The following NLRP9 variants were observed in gnomAD, a reference collection of about 807,000 sequenced individuals.
NLRP9 encodes NACHT, LRR and PYD domains-containing protein 9.
Under a neutral mutation model 83.1 loss-of-function variants are expected in NLRP9, and 88 were observed. The ratio of observed to expected loss-of-function variants is 1.06; its 90% confidence interval spans 0.89 to 1.26. The LOEUF (loss-of-function observed/expected upper bound fraction) is 1.26. Among genes scored for constraint, NLRP9 ranks in the 50% most tolerant of loss-of-function variants. The pLI, the probability that NLRP9 is intolerant of heterozygous loss-of-function variation, is 0.00. For missense variants in NLRP9, 1,308 were observed against 1,179.3 expected (o/e 1.11, Z -1.60); for synonymous variants, 521 against 447.6 (o/e 1.16, Z -2.07).
intron 1 of NLRP9, among the ~76,000 whole-genome samples, chr19:55,736,285 G>A (rs2122343597): frequency 6.6e-6 from 1 of 152,120 alleles, no homozygotes; most frequent in East Asian, 2.0e-4. Flanking sequence ...CAGCTACCTG[G>A]GAGGCTGAGG....
intron 1 of NLRP9, among the ~76,000 whole-genome samples, chr19:55,737,101 T>A (rs958926595): frequency 3.3e-5 from 5 of 152,080 alleles, no homozygotes; most frequent in Admixed American, 6.5e-5. Flanking sequence ...TTCCTAAGTA[T>A]CCCCCGAGAG....
At chr19:55,736,662 C>T (rs535006723) in intron 1 of NLRP9, among the ~76,000 whole-genome samples, 4 of 151,584 alleles carry the variant, frequency 2.6e-5, no homozygotes, top group East Asian at 2.0e-4. Context: ...GGTGATACCC[C>T]GTCTCTACTA....
intron 3 of NLRP9, among the ~76,000 whole-genome samples, chr19:55,724,909 A>G (rs1260698542): frequency 6.6e-6 from 1 of 152,082 alleles, no homozygotes; most frequent in Non-Finnish European, 1.5e-5. Context: ...AATACAAAAA[A>G]TTAGCTGGGT....
chr19:55,732,800 C>T lies in NLRP9; in HGVS notation c.1031G>A (p.Cys344Tyr). The T allele has an allele frequency of 6.2e-7, 1 of 1,614,168 alleles. No individual in the cohort carries two copies. The highest frequency in any genetic ancestry group is 8.5e-7 in the Non-Finnish European group (1 of 1,180,030). The change falls in exon 2 of 9, where the codon TGT becomes TAT. Residue 344 changes from cysteine (C) to tyrosine (Y), a missense_variant. Physicochemically the swap from Cys to Tyr is radical, Grantham distance 194 (BLOSUM62 -2). Transcript: ENST00000332836. Reference sequence around the variant, plus strand: ...CTCTAGCCTCTGTTTCACACAAGTACAGACCAACCAGCACGTAAAGGGATT... The same window carrying T: ...CTCTAGCCTCTGTTTCACACAAGTATAGACCAACCAGCACGTAAAGGGATT... ...CHNPFTCWLV[C>Y]TCVKQRLERG...
chr19:55,733,431 C>G lies in NLRP9; in HGVS notation c.400G>C (p.Glu134Gln), dbSNP rs748136376. The G allele has an allele frequency of 5.0e-6, 8 of 1,613,892 alleles. No individual in the cohort carries two copies. The highest frequency in any genetic ancestry group is 1.6e-4 in the Middle Eastern group (1 of 6,062). Reference protein sequence around the residue: ...YKETMKNEYKELNDAYTAAAR... With the variant: ...YKETMKNEYKQLNDAYTAAAR... ...GCAGCAGTATATGCGTCATTCAATT[C>G]TTTATACTCATTTTTCATGGTTTCT... The change falls in exon 2 of 9, where the codon GAA becomes CAA. Residue 134 changes from glutamate to glutamine, a missense_variant. By Grantham distance (29) the Glu-to-Gln change is conservative. Transcript: ENST00000332836.
rs369051614 is a variant in NLRP9, at chr19:55,732,201, C to A, written c.1630G>T (p.Glu544Ter). 1 of 1,613,516 alleles carries A rather than the reference C, an allele frequency of 6.2e-7. No individual in the cohort carries two copies. The highest frequency in any genetic ancestry group is 2.2e-5 in the East Asian group (1 of 44,884). Residue 544 changes from glutamate (E) to a stop codon, truncating the protein, a stop_gained, in exon 2 of 9, where the codon GAA (glutamate) becomes TAA (stop). Coordinates refer to ENST00000332836, the MANE Select transcript of NLRP9 (RefSeq NM_176820.4). LOFTEE classifies it high-confidence loss of function. ...EADREAIAFQELFIGLFETQE... is the reference protein window; with the variant it reads ...EADREAIAFQ Reference sequence around the variant, plus strand: ...GTTTCAAACAAACCAATGAATAGTTCCTGGAAAGCTATGGCTTCCCTATCA... The same window carrying A: ...GTTTCAAACAAACCAATGAATAGTTACTGGAAAGCTATGGCTTCCCTATCA...
rs771925825 is a variant in NLRP9, at chr19:55,732,165, C to T, written c.1666G>A (p.Glu556Lys). The T allele has an allele frequency of 6.2e-7, 1 of 1,613,074 alleles. No homozygotes were observed. The highest frequency in any genetic ancestry group is 8.5e-7 in the Non-Finnish European group (1 of 1,179,752). The change falls in exon 2 of 9, where the codon GAA becomes AAA. Residue 556 changes from glutamate (E) to lysine (K), a missense_variant. Physicochemically the swap from Glu to Lys is moderately conservative, Grantham distance 56 (BLOSUM62 1). Transcript: ENST00000332836. ...FIGLFETQEK[E>K]FVTKVMNFFE... ...AAATTCATCACTTTGGTTACAAATTCTTTTTCCTGAGTTTCAAACAAACCA... is the reference window on the plus strand; with the variant it reads ...AAATTCATCACTTTGGTTACAAATTTTTTTTCCTGAGTTTCAAACAAACCA...
chr19:55,734,159 A>G (rs1049621095), intron 1 of NLRP9, among the ~76,000 whole-genome samples: 8 of 151,454 alleles, frequency 5.3e-5, no homozygotes, highest in Admixed American at 2.6e-4. Flanking sequence ...TCCTGACCTC[A>G]TGATCCACCC....
At chr19:55,712,312 G>T in intron 7 of NLRP9, 108 bp downstream of exon 7, 1 of 933,294 alleles carries the variant, frequency 1.1e-6, no homozygotes, top group Non-Finnish European at 1.6e-6. Flanking sequence ...GATCGTCCCA[G>T]AGGGACTTGC....
chr19:55,726,359 C>T (rs555141851), intron 3 of NLRP9, among the ~76,000 whole-genome samples: 2 of 152,200 alleles, frequency 1.3e-5, no homozygotes, highest in African/African-American at 4.8e-5. Flanking sequence ...TGACTATTTG[C>T]CTTGTCAACT....
rs532883666 is a variant in NLRP9, at chr19:55,712,696, T to C, written c.2502-106A>G. On this transcript the variant is annotated intron_variant, in intron 6 of 8. Transcript: ENST00000332836. ...GACGCAAGAAATACCCAAGTAAATC[T>C]GAGATGATGAGGAGGGTGGGGAGGG... The C allele has an allele frequency of 1.2e-3, 1,158 of 927,528 alleles. 9 individuals are homozygous for C. The highest frequency in any genetic ancestry group is 6.3e-4 in the Middle Eastern group (2 of 3,172). 57.5% of individuals were successfully genotyped at this position (927,528 alleles called of 1,614,324 possible).
chr19:55,716,779 G>C lies in NLRP9; in HGVS notation c.2279C>G (p.Thr760Arg), dbSNP rs541213750. 4.3e-6 allele frequency: 7 copies of C among 1,613,888 alleles called. No homozygotes were observed. The Middle Eastern group carries it at 1.2e-3, about 266-fold the overall frequency. The stretch of plus-strand genomic sequence containing the variant: ...GTGCTTCAGGGCTTCACACAGCAAC[G>C]TCATTCCTTCGTCCCTCAAGGGATT... The part of the protein sequence containing the change: ...VENPLRDEGM[T>R]LLCEALKHSH... The change falls in exon 5 of 9, where the codon ACG becomes AGG. Residue 760 changes from threonine (T) to arginine (R), a missense_variant. Coordinates refer to ENST00000332836, the MANE Select transcript of NLRP9 (RefSeq NM_176820.4).
Position 55,708,665 on chromosome 19 carries a change from T to G in NLRP9, c.*247A>C. ...GCGTTTAGCACTTGTTTAACGTACT[T>G]GTGCTTCTAAATATCACAAGGCAGG... On this transcript the variant is annotated 3_prime_UTR_variant, in exon 9 of 9. Transcript: ENST00000332836. The G allele has an allele frequency of 1.2e-5, 4 of 338,804 alleles. No homozygotes were observed. The highest frequency in any genetic ancestry group is 4.8e-5 in the Admixed American group (1 of 20,790). 21.0% of individuals were successfully genotyped at this position (338,804 alleles called of 1,614,324 possible). A position where few individuals can be genotyped will look rare whatever the true frequency, so the allele number is the denominator to read the frequency against.
At chr19:55,715,273 A>G (rs762539331) in intron 5 of NLRP9, 48 bp from the exon 6 acceptor site, 1 of 1,508,698 alleles carries the variant, frequency 6.6e-7, no homozygotes, top group Non-Finnish European at 9.1e-7. Context: ...GCAGTACATC[A>G]TTCTGCAGAG....
Position 55,732,288 on chromosome 19 carries a change from G to C in NLRP9, c.1543C>G (p.Leu515Val). 6.2e-7 allele frequency: 1 copy of C among 1,614,170 alleles called. No individual in the cohort carries two copies. Among genetic ancestry groups the C allele is most frequent in the Non-Finnish European group, 8.5e-7 (1 of 1,180,014 alleles). The change falls in exon 2 of 9, where the codon CTG (leucine) becomes GTG (valine). Residue 515 changes from leucine to valine, a missense_variant. By Grantham distance (32) the Leu-to-Val change is conservative. Coordinates refer to ENST00000332836, the MANE Select transcript of NLRP9 (RefSeq NM_176820.4). ...ATTTCCTGCTTTAGGTCTTTTGACA[G>C]TGGAAAACCAAAGGAGGTCTCCAGC... Reference protein sequence around the residue: ...SMLETSFGFPLSKDLKQEITQ... With the variant: ...SMLETSFGFPVSKDLKQEITQ...
At chr19:55,714,536 C>T (rs889631191) in intron 6 of NLRP9, among the ~76,000 whole-genome samples, 3 of 152,114 alleles carry the variant, frequency 2.0e-5, no homozygotes, top group Non-Finnish European at 1.5e-5. Flanking sequence ...CAACTCCTTC[C>T]CACTGAAGGT....
intron 1 of NLRP9, among the ~76,000 whole-genome samples, chr19:55,734,034 T>G (rs1306246632): frequency 6.7e-6 from 1 of 150,000 alleles, no homozygotes; most frequent in Non-Finnish European, 1.5e-5. Flanking sequence ...GCCATTCTCC[T>G]GCCGCAGCCT....
In NLRP9 at chr19:55,729,892, G is replaced by A. The variant is rs1411466533; in HGVS notation, c.1933C>T (p.Pro645Ser). The A allele has an allele frequency of 1.2e-6, 2 of 1,613,560 alleles. No homozygotes were observed. Among genetic ancestry groups the A allele is most frequent in the East Asian group, 4.5e-5 (2 of 44,890 alleles). ...GCTTTGCAAAGAATCGCCAGGGAGG[G>A]ATCATCGAGGCTGGTATTTTCCATG... Reference protein sequence around the residue: ...LDMENTSLDDPSLAILCKALA... With the variant: ...LDMENTSLDDSSLAILCKALA... The change falls in exon 3 of 9, where the codon CCC (proline) becomes TCC (serine). Residue 645 changes from proline (P) to serine (S), a missense_variant. By Grantham distance (74) the Pro-to-Ser change is moderately conservative. Coordinates refer to ENST00000332836, the MANE Select transcript of NLRP9 (RefSeq NM_176820.4).
In NLRP9 at chr19:55,708,913, C is replaced by CA; in HGVS notation, c.2974dup (p.Ter992LeufsTer8). On this transcript the variant is annotated frameshift_variant and stop_lost, in exon 9 of 9. Coordinates refer to ENST00000332836, the MANE Select transcript of NLRP9 (RefSeq NM_176820.4). LOFTEE classifies it high-confidence loss of function. ...ACGACTACTTCAGGGTGTTCCCCAT[C>CA]AGAGGAGCACACCCCTGATCTTGTA... 1 of 1,539,510 alleles carries CA rather than the reference C, an allele frequency of 6.5e-7. No individual in the cohort carries two copies. The highest frequency in any genetic ancestry group is 8.7e-7 in the Non-Finnish European group (1 of 1,152,532).
Sources: gnomAD v4.1 joint callset for allele counts (sites outside exome capture counted in the v4.1 genomes callset) on GRCh38, gnomAD v4.1.1 for gene constraint, MANE v1.5 for transcripts, NCBI Gene and HGNC (gene_info 2026-07-23, HGNC 2026-07-21) for gene names.